YES1: variants seen among roughly 807,000 people sequenced by gnomAD.
The protein encoded by YES1 is tyrosine-protein kinase Yes.
Under a neutral mutation model 70.4 loss-of-function variants are expected in YES1, and 39 were observed. The observed-to-expected ratio is 0.55, with a 90% CI of 0.43 to 0.72. The LOEUF (loss-of-function observed/expected upper bound fraction) is 0.72, where lower values mean the gene tolerates loss of function less well. YES1 is among the 30% of genes least tolerant of loss of function. YES1 has a pLI of 0.00. For synonymous variants in YES1, 198 were observed against 218.6 expected, an observed-to-expected ratio of 0.91 and a Z score of 0.83; for missense variants, 495 against 644.8, an observed-to-expected ratio of 0.77 and a Z score of 2.52.
At chr18:806,957 GA>G (rs1389430431) in intron 1 of YES1, among the ~76,000 whole-genome samples, 1 of 152,208 alleles carries the variant, frequency 6.6e-6, no homozygotes, top group African/African-American at 2.4e-5. Flanking sequence ...ATTTTCAGTA[GA>G]TAGTAGTGGT....
At position 811,710 on chromosome 18, in the gene YES1, C is replaced by CCCCA. The variant is rs377650974; in HGVS notation, c.-9+400_-9+403dup. 1.6e-4 allele frequency among the ~76,000 whole-genome samples: 24 copies of CCCCA among 152,340 alleles called. 1 individual carries two copies. The highest frequency in any genetic ancestry group is 5.8e-4 in the African/African-American group (24 of 41,578). ...TACCGGCGTCGGCCGATACACAGAC[C>CCCCA]CCCAGCCTTTAGGACCCAAAGGGGC... is the stretch of plus-strand genomic sequence containing the variant. On this transcript the variant is annotated intron_variant, in intron 1 of 11. Transcript: ENST00000314574.
intron 1 of YES1, among the ~76,000 whole-genome samples, chr18:769,356 T>C (rs1195044510): frequency 6.6e-6 from 1 of 152,220 alleles, no homozygotes; most frequent in Non-Finnish European, 1.5e-5. Flanking sequence ...TTTTCTACAC[T>C]CAAGATCATG....
intron 1 of YES1, among the ~76,000 whole-genome samples, chr18:807,422 C>T (rs1907156608): frequency 6.6e-6 from 1 of 152,092 alleles, no homozygotes; most frequent in Admixed American, 6.6e-5. Context: ...TCCCTTGGGC[C>T]CCAGAGGTCA....
intron 2 of YES1, 67 bp from the exon 3 acceptor site, chr18:751,871 A>T: frequency 1.1e-6 from 1 of 898,882 alleles, no homozygotes; most frequent in Non-Finnish European, 1.7e-6. Flanking sequence ...AAAAAGAACT[A>T]TTGCCAGCCA....
At chr18:751,220 CA>C (rs2080338770) in intron 3 of YES1, among the ~76,000 whole-genome samples, 1 of 152,114 alleles carries the variant, frequency 6.6e-6, no homozygotes, top group Non-Finnish European at 1.5e-5. Flanking sequence ...CTACAACGAG[CA>C]TCAAATTTTC....
At chr18:743,449 A>G (rs1225262010) in intron 6 of YES1, 34 bp from the exon 7 acceptor site, 1 of 1,551,700 alleles carries the variant, frequency 6.4e-7, no homozygotes, top group Non-Finnish European at 8.8e-7. Flanking sequence ...TGTAATATCA[A>G]TTACAAAAAT....
At chr18:726,365 C>A (rs2080019160) in intron 11 of YES1, among the ~76,000 whole-genome samples, 1 of 151,804 alleles carries the variant, frequency 6.6e-6, no homozygotes, top group African/African-American at 2.4e-5. Flanking sequence ...GTGGAGGTTG[C>A]AGTGAGCTGA....
At chr18:789,187 A>G (rs1312810278) in intron 1 of YES1, among the ~76,000 whole-genome samples, 1 of 152,232 alleles carries the variant, frequency 6.6e-6, no homozygotes. Context: ...GAAATGGTAC[A>G]CAAGGTATTT....
At chr18:750,703 C>G (rs1320257961) in intron 3 of YES1, among the ~76,000 whole-genome samples, 1 of 152,038 alleles carries the variant, frequency 6.6e-6, no homozygotes, top group Non-Finnish European at 1.5e-5. Context: ...CTTAATCCAG[C>G]AGGGGATAAG....
chr18:741,010 G>A (rs1328436477), intron 8 of YES1, among the ~76,000 whole-genome samples: 2 of 152,130 alleles, frequency 1.3e-5, no homozygotes, highest in Non-Finnish European at 2.9e-5. Flanking sequence ...CCATTCTCGT[G>A]CCTCAGCCTC....
At chr18:762,381 G>A (rs964559053) in intron 1 of YES1, among the ~76,000 whole-genome samples, 3 of 152,030 alleles carry the variant, frequency 2.0e-5, no homozygotes, top group African/African-American at 7.2e-5. Flanking sequence ...CCTACCTGTT[G>A]GATATTACAC....
chr18:730,889 A>G (rs1876015023), intron 11 of YES1, among the ~76,000 whole-genome samples: 1 of 152,152 alleles, frequency 6.6e-6, no homozygotes, highest in African/African-American at 2.4e-5. Flanking sequence ...AGTGTGGTGT[A>G]GGCAGAGTTG....
chr18:801,192 G>A (rs1379650461), intron 1 of YES1, among the ~76,000 whole-genome samples: 1 of 151,898 alleles, frequency 6.6e-6, no homozygotes, highest in Non-Finnish European at 1.5e-5. Context: ...AATTAGCCAG[G>A]CATAGTGGTG....
rs187532222 is a variant in YES1 at position 734,513 on chromosome 18, G to A, written c.1292-1548C>T. Among the ~76,000 whole-genome samples, 332 of 152,014 alleles carry A rather than the reference G, an allele frequency of 2.2e-3. 4 individuals are homozygous for A. Among genetic ancestry groups the A allele is most frequent in the South Asian group, 0.021 (101 of 4,806 alleles). On this transcript the variant is annotated intron_variant, in intron 10 of 11. Coordinates refer to ENST00000314574, the MANE Select transcript of YES1 (RefSeq NM_005433.4). The stretch of plus-strand genomic sequence containing the variant: ...AGAGCTTGCAGTGAGCCAAGATCGC[G>A]CCACTGCACTCCAGCCTGGGTGACA...
At chr18:791,931 T>C (rs982451395) in intron 1 of YES1, among the ~76,000 whole-genome samples, 3 of 152,078 alleles carry the variant, frequency 2.0e-5, no homozygotes, top group Non-Finnish European at 4.4e-5. Context: ...GGCGTGCACC[T>C]GTGAGCCCAG....
intron 11 of YES1, among the ~76,000 whole-genome samples, chr18:729,134 T>C (rs959729368): frequency 6.6e-6 from 1 of 152,226 alleles, no homozygotes; most frequent in Admixed American, 6.5e-5. Context: ...TTCTTCCCCA[T>C]TAGCTTTTAT....
At chr18:731,966 C>CAAAAAAAAAAA (rs1165333694) in intron 11 of YES1, among the ~76,000 whole-genome samples, 8 of 79,966 alleles carry the variant, frequency 1.0e-4, no homozygotes, top group African/African-American at 4.0e-4. Flanking sequence ...GACTCCATTT[C>CAAAAAAAAAAA]AAAAAAAAAA....
intron 1 of YES1, among the ~76,000 whole-genome samples, chr18:773,849 T>G (rs75977606): frequency 4.0e-5 from 6 of 148,918 alleles, no homozygotes; most frequent in Middle Eastern, 3.4e-3. Context: ...TTTTTTTTTT[T>G]GAGACGGAAT....
At chr18:726,600 C>T (rs1169544867) in intron 11 of YES1, among the ~76,000 whole-genome samples, 2 of 150,540 alleles carry the variant, frequency 1.3e-5, no homozygotes, top group Non-Finnish European at 3.0e-5. Context: ...GCCAACATGG[C>T]GAAACCCCCT....
Sources: gnomAD v4.1 joint callset for allele counts (sites outside exome capture counted in the v4.1 genomes callset) on GRCh38, gnomAD v4.1.1 for gene constraint, MANE v1.5 for transcripts, NCBI Gene and HGNC (gene_info 2026-07-23, HGNC 2026-07-21) for gene names.